The following RSU1 variants were observed in gnomAD, a reference collection of about 807,000 sequenced individuals.
RSU1 encodes the protein Ras suppressor protein 1.
In RSU1, 26 loss-of-function variants were observed where a neutral mutation model predicts 31.1. That is an observed-to-expected ratio of 0.84 (90% CI 0.61 to 1.16). RSU1 has a LOEUF of 1.16. Among genes scored for constraint, RSU1 ranks in the 50% most tolerant of loss-of-function variants. RSU1 has a pLI of 0.00. For missense variants in RSU1, 320 were observed against 339.1 expected (o/e 0.94, Z 0.44); for synonymous variants, 164 against 136.3 (o/e 1.20, Z -1.41).
At chr10:16,608,562 T>C (rs1426688845) in intron 8 of RSU1, among the ~76,000 whole-genome samples, 2 of 152,084 alleles carry the variant, frequency 1.3e-5, no homozygotes, top group Admixed American at 6.5e-5. Flanking sequence ...CTCTTTGAAG[T>C]GGCAAATACT....
At chr10:16,786,843 G>A (rs1485270949) in intron 2 of RSU1, among the ~76,000 whole-genome samples, 5 of 152,088 alleles carry the variant, frequency 3.3e-5, no homozygotes, top group African/African-American at 4.8e-5. Flanking sequence ...CAGTGAAACC[G>A]GGACAGCTCT....
intron 2 of RSU1, among the ~76,000 whole-genome samples, chr10:16,815,739 C>G (rs1838514692): frequency 6.6e-6 from 1 of 152,136 alleles, no homozygotes; most frequent in South Asian, 2.1e-4. Context: ...TACACACGAC[C>G]ACCTTCACAG....
intron 2 of RSU1, among the ~76,000 whole-genome samples, chr10:16,787,003 T>C (rs1168722966): frequency 3.9e-5 from 6 of 152,062 alleles, no homozygotes. Flanking sequence ...GATCGATGCC[T>C]TACACCTGGA....
intron 8 of RSU1, among the ~76,000 whole-genome samples, chr10:16,673,796 T>C (rs113921458): frequency 6.6e-4 from 101 of 152,332 alleles, no homozygotes; most frequent in African/African-American, 2.2e-3. Flanking sequence ...CGCTTCTGCC[T>C]AGGTCCTTAG....
At chr10:16,710,462 G>A (rs897306468) in intron 7 of RSU1, among the ~76,000 whole-genome samples, 1 of 152,100 alleles carries the variant, frequency 6.6e-6, no homozygotes, top group African/African-American at 2.4e-5. Context: ...CTTACCTGTA[G>A]TTTTGCTGTT....
intron 2 of RSU1, among the ~76,000 whole-genome samples, chr10:16,797,309 G>C (rs567522695): frequency 1.3e-5 from 2 of 152,358 alleles, no homozygotes; most frequent in East Asian, 1.9e-4. Context: ...ACCAAGGATA[G>C]AGAAGATCCA....
intron 2 of RSU1, among the ~76,000 whole-genome samples, chr10:16,782,770 T>G (rs1215398218): frequency 6.6e-6 from 1 of 152,142 alleles, no homozygotes; most frequent in East Asian, 1.9e-4. Context: ...TAACTATAAA[T>G]AAAGAAAATA....
intron 7 of RSU1, among the ~76,000 whole-genome samples, chr10:16,722,018 C>T (rs777111014): frequency 5.3e-5 from 8 of 152,098 alleles, no homozygotes; most frequent in South Asian, 2.1e-4. Context: ...CTCTCTTATC[C>T]GTGGTTTCAC....
chr10:16,594,303 G>A (rs963817823), intron 8 of RSU1, among the ~76,000 whole-genome samples: 26 of 152,182 alleles, frequency 1.7e-4, no homozygotes, highest in African/African-American at 5.8e-4. Flanking sequence ...TTGGCACAGA[G>A]CCTGACGTCC....
At chr10:16,777,156 T>C (rs933538941) in intron 3 of RSU1, among the ~76,000 whole-genome samples, 2 of 152,160 alleles carry the variant, frequency 1.3e-5, no homozygotes, top group South Asian at 2.1e-4. Flanking sequence ...AATTGAGCAG[T>C]ATACGAATCA....
At chr10:16,614,089 C>CCTAA (rs1833936930) in intron 8 of RSU1, among the ~76,000 whole-genome samples, 1 of 151,996 alleles carries the variant, frequency 6.6e-6, no homozygotes, top group Admixed American at 6.6e-5. Context: ...GCTATATAAC[C>CCTAA]CTAACATTTA....
chr10:16,785,563 G>A (rs1335572291), intron 2 of RSU1, among the ~76,000 whole-genome samples: 1 of 148,112 alleles, frequency 6.8e-6, no homozygotes, highest in Non-Finnish European at 1.5e-5. Context: ...CCTAATACAG[G>A]AGGGATGGTG....
intron 8 of RSU1, among the ~76,000 whole-genome samples, chr10:16,596,519 T>C (rs1249110283): frequency 6.6e-6 from 1 of 152,162 alleles, no homozygotes; most frequent in Non-Finnish European, 1.5e-5. Context: ...GCATCAGGTC[T>C]CCAAGCTCCC....
intron 2 of RSU1, among the ~76,000 whole-genome samples, chr10:16,806,597 T>C (rs749175353): frequency 4.6e-5 from 7 of 152,198 alleles, no homozygotes; most frequent in Non-Finnish European, 1.0e-4. Context: ...TGTATTATAT[T>C]AATACACTCC....
chr10:16,802,470 G>A (rs1383777968), intron 2 of RSU1, among the ~76,000 whole-genome samples: 1 of 152,002 alleles, frequency 6.6e-6, no homozygotes, highest in East Asian at 1.9e-4. Context: ...GCCCAGATAG[G>A]TTTACTCATG....
chr10:16,795,864 G>A (rs183048165), intron 2 of RSU1, among the ~76,000 whole-genome samples: 45 of 152,218 alleles, frequency 3.0e-4, no homozygotes, highest in Admixed American at 6.5e-4. Context: ...GTGAGGCACC[G>A]GCACCCTCTT....
chr10:16,714,859 T>G (rs1836104893), intron 7 of RSU1, among the ~76,000 whole-genome samples: 1 of 152,146 alleles, frequency 6.6e-6, no homozygotes, highest in Non-Finnish European at 1.5e-5. Flanking sequence ...ATGTGGACAC[T>G]GAGGCATTGC....
chr10:16,594,244 C>T (rs1833566473), intron 8 of RSU1, among the ~76,000 whole-genome samples: 1 of 152,184 alleles, frequency 6.6e-6, no homozygotes, highest in Non-Finnish European at 1.5e-5. Flanking sequence ...AGGTCCTCTG[C>T]AGCAAGGGCA....
chr10:16,815,615 A>G (rs1424290341), intron 2 of RSU1, among the ~76,000 whole-genome samples: 3 of 152,194 alleles, frequency 2.0e-5, no homozygotes, highest in African/African-American at 7.2e-5. Flanking sequence ...AAAAAATGCA[A>G]GCATGAATAT....
Sources: gnomAD v4.1 joint callset for allele counts (sites outside exome capture counted in the v4.1 genomes callset) on GRCh38, gnomAD v4.1.1 for gene constraint, MANE v1.5 for transcripts, NCBI Gene and HGNC (gene_info 2026-07-23, HGNC 2026-07-21) for gene names.